PRDM2: variants seen among roughly 807,000 people sequenced by gnomAD.
The protein encoded by PRDM2 is PR/SET domain 2.
In PRDM2, 30 loss-of-function variants were observed where a neutral mutation model predicts 130.0. The observed-to-expected ratio is 0.23, with a 90% CI of 0.17 to 0.31. The LOEUF (loss-of-function observed/expected upper bound fraction) is 0.31, where lower values mean the gene tolerates loss of function less well. Among genes scored for constraint, PRDM2 ranks in the 10% least tolerant of loss-of-function variants. The pLI, the probability that PRDM2 is intolerant of heterozygous loss-of-function variation, is 1.00. For missense variants in PRDM2, 2,011 were observed against 2,108.4 expected, an observed-to-expected ratio of 0.95 and a Z score of 0.90; for synonymous variants, 871 against 782.4, an observed-to-expected ratio of 1.11 and a Z score of -1.89.
At position 13,769,943 on chromosome 1, in the gene PRDM2, A is replaced by G. The variant is rs75190291; in HGVS notation, c.512-3135A>G. Among the ~76,000 whole-genome samples the G allele has an allele frequency of 1.3e-3, 205 of 152,248 alleles. 5 individuals are homozygous for G. The East Asian group carries it at 0.034, about 25-fold the overall frequency. On this transcript the variant is annotated intron_variant, in intron 6 of 9. Coordinates refer to ENST00000311066, the MANE Select transcript of PRDM2 (RefSeq NM_001393986.1). ...TGTCACAATTAGAAGGGGGGGTGCC[A>G]CTAGCATCTAGTAAATAGTGGCTAC...
At chr1:13,717,374 C>T in intron 2 of PRDM2, 1 of 982,576 alleles carries the variant, frequency 1.0e-6, no homozygotes, top group East Asian at 1.1e-4. Flanking sequence ...CGGTTCTCTG[C>T]AGTCTAGGAA....
At chr1:13,711,387 A>G (rs1642366190) in intron 1 of PRDM2, among the ~76,000 whole-genome samples, 1 of 152,230 alleles carries the variant, frequency 6.6e-6, no homozygotes, top group Non-Finnish European at 1.5e-5. Flanking sequence ...TTGCTTTAGT[A>G]TTCTATTGCA....
At chr1:13,812,706 C>T (rs1645193503) in intron 8 of PRDM2, among the ~76,000 whole-genome samples, 1 of 152,174 alleles carries the variant, frequency 6.6e-6, no homozygotes, top group Admixed American at 6.5e-5. Context: ...AGTGTTGACA[C>T]AGAAGTCTTA....
At chr1:13,708,456 A>G (rs1429994997) in intron 1 of PRDM2, among the ~76,000 whole-genome samples, 1 of 152,328 alleles carries the variant, frequency 6.6e-6, no homozygotes, top group East Asian at 1.9e-4. Flanking sequence ...CACTGAGAAC[A>G]GCAGACCCTT....
intron 1 of PRDM2, among the ~76,000 whole-genome samples, chr1:13,707,493 A>G (rs1429697783): frequency 1.3e-5 from 2 of 152,240 alleles, no homozygotes; most frequent in Non-Finnish European, 2.9e-5. Flanking sequence ...TTTGAGCCTT[A>G]GTCAAGAATT....
At chr1:13,723,162 A>G (rs866096269) in intron 2 of PRDM2, among the ~76,000 whole-genome samples, 23 of 152,206 alleles carry the variant, frequency 1.5e-4, no homozygotes, top group African/African-American at 5.3e-4. Flanking sequence ...TTCTTAATAC[A>G]TGACTCATTT....
At chr1:13,796,538 T>G (rs1644925185) in intron 8 of PRDM2, among the ~76,000 whole-genome samples, 2 of 152,136 alleles carry the variant, frequency 1.3e-5, no homozygotes, top group African/African-American at 4.8e-5. Flanking sequence ...GGAGGATCAT[T>G]TGAACTCAGG....
At chr1:13,801,656 C>T (rs1322743249) in intron 8 of PRDM2, among the ~76,000 whole-genome samples, 3 of 152,176 alleles carry the variant, frequency 2.0e-5, no homozygotes, top group Non-Finnish European at 4.4e-5. Flanking sequence ...TTCATTATTC[C>T]ATAACAAACA....
chr1:13,775,584 G>A (rs997704018), intron 7 of PRDM2, among the ~76,000 whole-genome samples: 1 of 152,200 alleles, frequency 6.6e-6, no homozygotes. Flanking sequence ...AAATGGAGTA[G>A]CAGATGGGAA....
chr1:13,816,658 G>C, intron 9 of PRDM2, 88 bp downstream of exon 9: 12 of 1,481,128 alleles, frequency 8.1e-6, no homozygotes, highest in Non-Finnish European at 1.0e-5. Flanking sequence ...GGGAAGGAGA[G>C]AAAGCAGTGG....
At chr1:13,772,954 A>G in intron 6 of PRDM2, 124 bp from the exon 7 acceptor site, 1 of 585,614 alleles carries the variant, frequency 1.7e-6, no homozygotes, top group Non-Finnish European at 2.9e-6. Flanking sequence ...TTGCCCAGGA[A>G]TATACAGTGT....
At chr1:13,736,134 G>A (rs1256197345) in intron 4 of PRDM2, among the ~76,000 whole-genome samples, 9 of 134,468 alleles carry the variant, frequency 6.7e-5, no homozygotes, top group African/African-American at 2.5e-4. Context: ...TTTTTTTTGA[G>A]ACAAGGTCTT....
chr1:13,750,470 A>G (rs766127930), intron 6 of PRDM2, among the ~76,000 whole-genome samples: 4 of 151,618 alleles, frequency 2.6e-5, no homozygotes, highest in Non-Finnish European at 4.4e-5. Context: ...TCCATCCTTT[A>G]TCCAGAACAT....
At chr1:13,719,844 A>G (rs148379614) in intron 2 of PRDM2, among the ~76,000 whole-genome samples, 2,740 of 152,176 alleles carry the variant, frequency 0.018, 63 homozygotes, top group South Asian at 0.12. Flanking sequence ...TTGCAAATCT[A>G]TACAAAGATG....
chr1:13,733,933 A>G (rs1296739109), intron 4 of PRDM2, among the ~76,000 whole-genome samples: 1 of 152,254 alleles, frequency 6.6e-6, no homozygotes. Context: ...AAGTATGGCT[A>G]GGAAGTGTGT....
Position 13,742,063 on chromosome 1 carries a change from A to G in PRDM2, c.290A>G (p.Asn97Ser), listed in dbSNP as rs1229075255. 1 of 1,602,902 alleles carries G rather than the reference A, an allele frequency of 6.2e-7. No homozygotes were observed. The highest frequency in any genetic ancestry group is 1.7e-5 in the Admixed American group (1 of 60,012). The stretch of plus-strand genomic sequence containing the variant: ...GATGCCACTGATCCAGAGAAGGGAA[A>G]CTGGCTGCGATATGTGAATTGGGCT... ...CIDATDPEKG[N>S]WLRYVNWACS... The change falls in exon 5 of 10, where the codon AAC (asparagine) becomes AGC (serine). Residue 97 changes from asparagine (N) to serine (S), a missense_variant. Asn to Ser is a conservative substitution (Grantham distance 46, BLOSUM62 1). Coordinates refer to ENST00000311066, the MANE Select transcript of PRDM2 (RefSeq NM_001393986.1).
intron 2 of PRDM2, among the ~76,000 whole-genome samples, chr1:13,725,213 A>G (rs960531259): frequency 3.3e-4 from 50 of 152,062 alleles, no homozygotes; most frequent in Admixed American, 2.0e-4. Flanking sequence ...TATGTACTCT[A>G]TTTATTTTTG....
chr1:13,774,971 A>G (rs973083476), intron 7 of PRDM2, among the ~76,000 whole-genome samples: 4 of 151,564 alleles, frequency 2.6e-5, no homozygotes, highest in African/African-American at 9.7e-5. Context: ...CCGTCTCAAA[A>G]AAAAAAAAAA....
At chr1:13,722,822 T>C (rs749063922) in intron 2 of PRDM2, 5 of 516,400 alleles carry the variant, frequency 9.7e-6, no homozygotes, top group Non-Finnish European at 1.5e-5. Flanking sequence ...CTAGATTTTA[T>C]TTAGAAAGTT....
Sources: allele counts gnomAD v4.1 joint callset (sites outside exome capture counted in the v4.1 genomes callset), GRCh38; gene constraint gnomAD v4.1.1; transcripts MANE v1.5; gene names NCBI Gene and HGNC (gene_info 2026-07-23, HGNC 2026-07-21).